HAVCR1: variants seen among roughly 807,000 people sequenced by gnomAD.
HAVCR1 encodes hepatitis A virus cellular receptor 1.
A neutral mutation model predicts 32.0 loss-of-function variants in HAVCR1; 34 were observed. That is an observed-to-expected ratio of 1.06 (90% CI 0.81 to 1.42). HAVCR1 has a LOEUF of 1.42. HAVCR1 is among the 40% of genes most tolerant of loss of function. The pLI is 0.00. For missense variants in HAVCR1, 420 were observed against 442.3 expected, an observed-to-expected ratio of 0.95 and a Z score of 0.45; for synonymous variants, 178 against 170.3, an observed-to-expected ratio of 1.05 and a Z score of -0.35.
At chr5:157,064,350 A>AG in the HAVCR1 span, among the ~76,000 whole-genome samples, 6 of 139,926 alleles carry the variant, frequency 4.3e-5, no homozygotes, top group African/African-American at 5.0e-5. Flanking sequence ...AAAAAAAAAA[A>AG]AAAAAGAAAG....
At chr5:157,067,699 A>AT in the HAVCR1 span, among the ~76,000 whole-genome samples, 1 of 151,300 alleles carries the variant, frequency 6.6e-6, no homozygotes, top group East Asian at 2.0e-4. Flanking sequence ...TTTTATTTTT[A>AT]TTTTTTGAGA....
the HAVCR1 span, among the ~76,000 whole-genome samples, chr5:157,064,338 A>AC: frequency 1.2e-5 from 1 of 85,720 alleles, no homozygotes; most frequent in African/African-American, 3.9e-5. Context: ...CCCTGTCTCT[A>AC]CAAAAAAAAA....
chr5:157,033,011 T>C, intron 7 of HAVCR1, 124 bp from the exon 8 acceptor site: 1 of 621,710 alleles, frequency 1.6e-6, no homozygotes, highest in Non-Finnish European at 2.7e-6. Flanking sequence ...CCTGGTACCT[T>C]GAGGTGTCTC....
Position 157,057,947 on chromosome 5 carries a change from G to C in HAVCR1, c.-4C>G, listed in dbSNP as rs191484308. The C allele has an allele frequency of 6.2e-7, 1 of 1,612,776 alleles. No individual in the cohort carries two copies. The highest frequency in any genetic ancestry group is 2.2e-5 in the East Asian group (1 of 44,862). ...AGATGACCACTTGAGGATGCATTAT[G>C]GGATCAGCCTGAAGGAAAATGAGCA... On this transcript the variant is annotated 5_prime_UTR_variant, in exon 2 of 9. Transcript: ENST00000523175.
intron 6 of HAVCR1, among the ~76,000 whole-genome samples, chr5:157,039,389 C>T (rs1312649617): frequency 6.6e-6 from 1 of 152,172 alleles, no homozygotes; most frequent in Non-Finnish European, 1.5e-5. Flanking sequence ...TGCTCTGTTG[C>T]CCAGGCTGGA....
chr5:157,055,033 T>C (rs773982401), intron 3 of HAVCR1, among the ~76,000 whole-genome samples, 168 bp downstream of exon 3: 4 of 152,200 alleles, frequency 2.6e-5, no homozygotes, highest in Non-Finnish European at 5.9e-5. Flanking sequence ...TGAATTATGC[T>C]TGGCCTTGTA....
Position 157,045,538 on chromosome 5 carries a change from C to T in HAVCR1, c.782-2856G>A, listed in dbSNP as rs557739637. ...CAACAATTTTCCTGTGGGCACAGAA[C>T]TAGTAACTTATAGCTGAAATGGGAG... On this transcript the variant is annotated intron_variant, in intron 5 of 8. Coordinates refer to ENST00000523175, the MANE Select transcript of HAVCR1 (RefSeq NM_001173393.3). Among the ~76,000 whole-genome samples, 8 of 152,284 alleles carry T rather than the reference C, an allele frequency of 5.3e-5. No individual in the cohort carries two copies. In the South Asian group the frequency reaches 1.7e-3, roughly 32 times the overall value.
chr5:157,044,254 C>T (rs933737318), intron 5 of HAVCR1, among the ~76,000 whole-genome samples: 24 of 151,436 alleles, frequency 1.6e-4, no homozygotes, highest in Non-Finnish European at 3.2e-4. Context: ...ATTGCTTGAA[C>T]TCAGGGGGTG....
intron 3 of HAVCR1, among the ~76,000 whole-genome samples, chr5:157,054,823 G>A (rs190696121): frequency 1.9e-4 from 29 of 152,148 alleles, no homozygotes; most frequent in Admixed American, 1.7e-3. Context: ...CATTGTATTC[G>A]GTGTTATAAG....
At chr5:157,067,711 A>T in the HAVCR1 span, among the ~76,000 whole-genome samples, 3 of 151,938 alleles carry the variant, frequency 2.0e-5, no homozygotes, top group Non-Finnish European at 4.4e-5. Context: ...TTTTTGAGAC[A>T]AAGTTTCACT....
upstream of HAVCR1, among the ~76,000 whole-genome samples, chr5:157,060,511 G>A (rs142942210): frequency 1.8e-4 from 27 of 152,176 alleles, no homozygotes; most frequent in East Asian, 5.2e-3. Context: ...TCAATCTAAA[G>A]TAGCCAACCA....
At chr5:157,065,758 G>C in the HAVCR1 span, among the ~76,000 whole-genome samples, 1 of 152,114 alleles carries the variant, frequency 6.6e-6, no homozygotes, top group African/African-American at 2.4e-5. Flanking sequence ...AGGAGGCTGA[G>C]GCAGGAGAAT....
At chr5:157,053,537 T>C (rs1755903568) in intron 3 of HAVCR1, among the ~76,000 whole-genome samples, 1 of 152,134 alleles carries the variant, frequency 6.6e-6, no homozygotes, top group Admixed American at 6.6e-5. Context: ...TATTGGGTTC[T>C]ATTATCATTG....
At chr5:157,044,621 G>GAAAAAAAGAAAGAA (rs1226932507) in intron 5 of HAVCR1, among the ~76,000 whole-genome samples, 1 of 42,696 alleles carries the variant, frequency 2.3e-5, no homozygotes, top group African/African-American at 7.6e-5. Flanking sequence ...GAAAGAGAAA[G>GAAAAAAAGAAAGAA]AAAGAAAGAA....
In HAVCR1 at chr5:157,037,358, G is replaced by C; in HGVS notation, c.841C>G (p.Leu281Val). ...GTCAGTAGACTATGTTCTAGGAACAGTTGCTGAGGAAACAACAACAGATCA... is the reference window on the plus strand; with the variant it reads ...GTCAGTAGACTATGTTCTAGGAACACTTGCTGAGGAAACAACAACAGATCA... ...DGLWNNNQTQ[L>V]FLEHSLLTAN... The change falls in exon 7 of 9, where the codon CTG (leucine) becomes GTG (valine). Residue 281 changes from leucine (L) to valine (V), a missense_variant. Transcript: ENST00000523175. 1 of 1,366,576 alleles carries C rather than the reference G, an allele frequency of 7.3e-7. No individual in the cohort carries two copies. The allele number at this position is 1,366,576 out of a possible 1,614,324, so 84.7% of individuals were successfully genotyped here. A position where few individuals can be genotyped will look rare whatever the true frequency, so the allele number is the denominator to read the frequency against.
upstream of HAVCR1, among the ~76,000 whole-genome samples, chr5:157,063,482 A>T (rs1756535565): frequency 6.6e-6 from 1 of 151,978 alleles, no homozygotes; most frequent in Non-Finnish European, 1.5e-5. Context: ...ACGGGGTTTC[A>T]CCATGTTGGT....
intron 4 of HAVCR1, among the ~76,000 whole-genome samples, chr5:157,049,582 T>G (rs1478173576): frequency 6.6e-6 from 1 of 152,234 alleles, no homozygotes; most frequent in Non-Finnish European, 1.5e-5. Flanking sequence ...GAATTTGCAC[T>G]AACATGCCCT....
intron 8 of HAVCR1, 42 bp from the exon 9 acceptor site, chr5:157,029,883 A>G: frequency 3.2e-6 from 5 of 1,568,198 alleles, no homozygotes; most frequent in Non-Finnish European, 4.4e-6. Flanking sequence ...GTAAGAAAAA[A>G]AGCAGACCAC....
rs1423178804 is a variant in HAVCR1, at chr5:157,055,322, C to T, written c.258G>A (p.Arg86=). Residue 86 remains arginine, a synonymous_variant, in exon 3 of 9, where the codon AGG becomes AGA. Transcript: ENST00000523175. ...TATTTTCTATGGTCAAAGAGACATC[C>T]CTTCTTGAAAGGTCCCCCAATAGCT... ...RYKLLGDLSR[R]DVSLTIENTA... 1 of 1,612,936 alleles carries T rather than the reference C, an allele frequency of 6.2e-7. No individual in the cohort carries two copies. Among genetic ancestry groups the T allele is most frequent in the East Asian group, 2.2e-5 (1 of 44,896 alleles).
Sources: gnomAD v4.1 joint callset for allele counts (sites outside exome capture counted in the v4.1 genomes callset) on GRCh38, gnomAD v4.1.1 for gene constraint, MANE v1.5 for transcripts, NCBI Gene and HGNC (gene_info 2026-07-23, HGNC 2026-07-21) for gene names.